The following SLC15A2 variants were observed in gnomAD, a reference collection of about 807,000 sequenced individuals.
The protein encoded by SLC15A2 is kidney H(+)/peptide cotransporter.
Under a neutral mutation model 95.5 loss-of-function variants are expected in SLC15A2, and 77 were observed. The ratio of observed to expected loss-of-function variants is 0.81; its 90% CI spans 0.67 to 0.97. SLC15A2 has a LOEUF of 0.97. Among genes scored for constraint, SLC15A2 ranks in the 50% least tolerant of loss-of-function variants. SLC15A2 has a pLI of 0.00. For missense variants in SLC15A2, 893 were observed against 874.4 expected, an observed-to-expected ratio of 1.02 and a Z score of -0.27; for synonymous variants, 306 against 306.9, an observed-to-expected ratio of 1.00 and a Z score of 0.03.
chr3:121,916,943 C>A (rs1263084316), intron 7 of SLC15A2, among the ~76,000 whole-genome samples: 1 of 152,098 alleles, frequency 6.6e-6, no homozygotes, highest in Non-Finnish European at 1.5e-5. Context: ...GCCTCAGCCT[C>A]CCGAGTAGCT....
At chr3:121,926,243 C>T (rs1403741328) in intron 13 of SLC15A2, among the ~76,000 whole-genome samples, 1 of 152,094 alleles carries the variant, frequency 6.6e-6, no homozygotes, top group Non-Finnish European at 1.5e-5. Context: ...GAAATGTAAT[C>T]CCCAATGTTG....
intron 8 of SLC15A2, 71 bp downstream of exon 8, chr3:121,922,373 T>C: frequency 1.6e-6 from 2 of 1,219,916 alleles, no homozygotes; most frequent in South Asian, 1.3e-5. Flanking sequence ...AATATGGGCC[T>C]TCAAACGTGG....
chr3:121,894,765 C>T (rs1158039340), intron 1 of SLC15A2, among the ~76,000 whole-genome samples, 184 bp downstream of exon 1: 1 of 152,188 alleles, frequency 6.6e-6, no homozygotes, highest in Non-Finnish European at 1.5e-5. Context: ...GACAAAGCAG[C>T]AGGAAGAGGT....
At chr3:121,928,643 T>G in intron 15 of SLC15A2, 88 bp downstream of exon 15, 1 of 1,395,780 alleles carries the variant, frequency 7.2e-7, no homozygotes, top group Non-Finnish European at 9.8e-7. Context: ...ATAAGCATCT[T>G]CCCATGTCTT....
rs888640384 is a variant in SLC15A2, at chr3:121,944,076, C to A, written c.*3069C>A. On this transcript the variant is annotated 3_prime_UTR_variant, in exon 22 of 22. Coordinates refer to ENST00000489711, the MANE Select transcript of SLC15A2 (RefSeq NM_021082.4). Reference sequence around the variant, plus strand: ...ACAAATTGGAAAAGAGGTATAAATGCAGTATTATAATCTAATGGGACCACC... The same window carrying A: ...ACAAATTGGAAAAGAGGTATAAATGAAGTATTATAATCTAATGGGACCACC... 13 of 152,108 alleles carry A rather than the reference C, an allele frequency of 8.5e-5. 1 individual carries two copies. Among genetic ancestry groups the A allele is most frequent in the South Asian group, 4.1e-4 (2 of 4,830 alleles). 9.4% of individuals were successfully genotyped at this position (152,108 alleles called of 1,614,324 possible).
At chr3:121,919,838 G>T (rs1417138229) in intron 7 of SLC15A2, among the ~76,000 whole-genome samples, 1 of 152,226 alleles carries the variant, frequency 6.6e-6, no homozygotes, top group Non-Finnish European at 1.5e-5. Flanking sequence ...AGTGGAGAAA[G>T]AGGTTGAAGA....
At position 121,944,182 on chromosome 3, in the gene SLC15A2, A is replaced by G. The variant is rs1210868726; in HGVS notation, c.*3175A>G. 1 of 152,256 alleles carries G rather than the reference A, an allele frequency of 6.6e-6. No individual in the cohort carries two copies. The highest frequency in any genetic ancestry group is 1.5e-5 in the Non-Finnish European group (1 of 68,052). 9.4% of individuals were successfully genotyped at this position (152,256 alleles called of 1,614,324 possible). ...TTTGCATATTAAAGACTCTGACTATATATGGACATATATGACTGTCACCAT... is the reference window on the plus strand; with the variant it reads ...TTTGCATATTAAAGACTCTGACTATGTATGGACATATATGACTGTCACCAT... On this transcript the variant is annotated 3_prime_UTR_variant, in exon 22 of 22. Transcript: ENST00000489711.
Position 121,894,555 on chromosome 3 carries a change from C to A in SLC15A2, c.79C>A (p.Pro27Thr). Residue 27 changes from proline to threonine, a missense_variant, in exon 1 of 22, where the codon CCT becomes ACT. Pro to Thr is a conservative substitution (Grantham distance 38). Coordinates refer to ENST00000489711, the MANE Select transcript of SLC15A2 (RefSeq NM_021082.4). Reference sequence around the variant, plus strand: ...CATTGAAGAGGTACCACCTCGACCACCTAGCCCTCCAAAGAAGCCATCTCC... The same window carrying A: ...CATTGAAGAGGTACCACCTCGACCAACTAGCCCTCCAAAGAAGCCATCTCC... ...VSIEEVPPRP[P>T]SPPKKPSPTI... 7 of 1,614,060 alleles carry A rather than the reference C, an allele frequency of 4.3e-6. No homozygotes were observed. Among genetic ancestry groups the A allele is most frequent in the Non-Finnish European group, 5.9e-6 (7 of 1,179,932 alleles).
At chr3:121,921,389 T>G (rs1264562808) in intron 7 of SLC15A2, among the ~76,000 whole-genome samples, 1 of 151,574 alleles carries the variant, frequency 6.6e-6, no homozygotes, top group Non-Finnish European at 1.5e-5. Context: ...GATTTTTGAG[T>G]CAGTCAAGCC....
chr3:121,925,529 T>A (rs1710098397), intron 13 of SLC15A2, among the ~76,000 whole-genome samples: 1 of 151,564 alleles, frequency 6.6e-6, no homozygotes, highest in Non-Finnish European at 1.5e-5. Context: ...AAAAGAAAGT[T>A]TCAAGCCTTC....
intron 3 of SLC15A2, among the ~76,000 whole-genome samples, chr3:121,908,463 C>T (rs1386328730): frequency 2.0e-5 from 3 of 152,220 alleles, no homozygotes; most frequent in African/African-American, 7.2e-5. Flanking sequence ...TCTTCTGCAT[C>T]AACTACGCTG....
intron 18 of SLC15A2, 76 bp from the exon 19 acceptor site, chr3:121,931,560 TGAG>T: frequency 1.2e-6 from 1 of 819,086 alleles, no homozygotes; most frequent in Non-Finnish European, 2.1e-6. Flanking sequence ...AGTAGAGAGA[TGAG>T]ATCACTTTCA....
intron 19 of SLC15A2, among the ~76,000 whole-genome samples, chr3:121,932,786 GT>G (rs1710257527): frequency 6.6e-6 from 1 of 151,962 alleles, no homozygotes; most frequent in African/African-American, 2.4e-5. Flanking sequence ...TATACTTTAA[GT>G]TTTAGGGTAC....
In SLC15A2 at chr3:121,927,944, G is replaced by A; in HGVS notation, c.1206+105G>A. 8 of 791,536 alleles carry A rather than the reference G, an allele frequency of 1.0e-5. No homozygotes were observed. In the South Asian group the frequency reaches 1.3e-4, roughly 13 times the overall value. The allele number at this position is 791,536 out of a possible 1,614,324, so 49.0% of individuals were successfully genotyped here. A position where few individuals can be genotyped will look rare whatever the true frequency, so the allele number is the denominator to read the frequency against. ...TTCCCTGGGACCTAGCACAGTACCT[G>A]TTTTATAAGAGGTGCATCATAAGTA... is the stretch of plus-strand genomic sequence containing the variant. On this transcript the variant is annotated intron_variant, in intron 14 of 21. Coordinates refer to ENST00000489711, the MANE Select transcript of SLC15A2 (RefSeq NM_021082.4).
intron 3 of SLC15A2, among the ~76,000 whole-genome samples, chr3:121,905,915 A>G (rs1455716246): frequency 6.6e-6 from 1 of 151,952 alleles, no homozygotes; most frequent in Non-Finnish European, 1.5e-5. Flanking sequence ...TTAACCTTCT[A>G]TCTCATTGTT....
chr3:121,931,186 G>A (rs1479172820), intron 18 of SLC15A2, among the ~76,000 whole-genome samples: 2 of 152,124 alleles, frequency 1.3e-5, no homozygotes, highest in Admixed American at 1.3e-4. Context: ...GCCCATCTCT[G>A]TATAGTTAAC....
rs1450050738 is a variant in SLC15A2 at position 121,928,626 on chromosome 3, T to A, written c.1341+71T>A. On this transcript the variant is annotated intron_variant, in intron 15 of 21. Transcript: ENST00000489711. Reference sequence around the variant, plus strand: ...GATCTTGATTTTTCCTTAACATTAATTGTATCATAAGCATCTTCCCATGTC... The same window carrying A: ...GATCTTGATTTTTCCTTAACATTAAATGTATCATAAGCATCTTCCCATGTC... 4.7e-6 allele frequency: 7 copies of A among 1,496,178 alleles called. No individual in the cohort carries two copies. The East Asian group carries it at 1.4e-4, about 29-fold the overall frequency. 92.7% of individuals were successfully genotyped at this position (1,496,178 alleles called of 1,614,324 possible).
chr3:121,897,412 A>G lies in SLC15A2; in HGVS notation c.218A>G (p.Tyr73Cys), dbSNP rs1143667. 6.2e-7 allele frequency: 1 copy of G among 1,613,552 alleles called. No homozygotes were observed. The highest frequency in any genetic ancestry group is 8.5e-7 in the Non-Finnish European group (1 of 1,179,840). Residue 73 changes from tyrosine (Y) to cysteine (C), a missense_variant, in exon 3 of 22, where the codon TAT becomes TGT. Coordinates refer to ENST00000489711, the MANE Select transcript of SLC15A2 (RefSeq NM_021082.4). ...MKAVLILYFL[Y>C]FLHWNEDTST... ...GCTGTGCTGATCCTGTATTTCCTGT[A>G]TTTCCTGCACTGGAATGAAGATACC...
At position 121,915,246 on chromosome 3, in the gene SLC15A2, A is replaced by G; in HGVS notation, c.548A>G (p.Tyr183Cys). Reference protein sequence around the residue: ...EEKHAEERTRYFSVFYLSINA... With the variant: ...EEKHAEERTRCFSVFYLSINA... ...TTTCAGGCAGAGGAACGGACTAGAT[A>G]CTTCTCAGTCTTCTACCTGTCCATC... is the stretch of plus-strand genomic sequence containing the variant. Residue 183 changes from tyrosine (Y) to cysteine (C), a missense_variant, in exon 6 of 22, where the codon TAC (tyrosine) becomes TGC (cysteine). Coordinates refer to ENST00000489711, the MANE Select transcript of SLC15A2 (RefSeq NM_021082.4). 1 of 1,613,420 alleles carries G rather than the reference A, an allele frequency of 6.2e-7. No individual in the cohort carries two copies. Among genetic ancestry groups the G allele is most frequent in the Non-Finnish European group, 8.5e-7 (1 of 1,179,388 alleles).
Sources: gnomAD v4.1 joint callset for allele counts (sites outside exome capture counted in the v4.1 genomes callset) on GRCh38, gnomAD v4.1.1 for gene constraint, MANE v1.5 for transcripts, NCBI Gene and HGNC (gene_info 2026-07-23, HGNC 2026-07-21) for gene names.